The following ERLIN2 variants were observed in gnomAD, a reference collection of about 807,000 sequenced individuals.
ERLIN2 encodes the protein ER lipid raft associated 2.
ERLIN2 carries 22 observed loss-of-function variants against 41.5 expected under a neutral mutation model. The observed-to-expected ratio is 0.53, with a 90% CI of 0.38 to 0.76. The LOEUF is 0.76. Ranked by LOEUF, ERLIN2 falls within the 30% of genes least tolerant of loss-of-function variation. The pLI is 0.00. For missense variants in ERLIN2, 247 were observed against 414.3 expected (o/e 0.60, Z 3.51); for synonymous variants, 149 against 150.9 (o/e 0.99, Z 0.09).
chr8:37,758,067 C>G lies in ERLIN2; in HGVS notation c.*3952C>G, dbSNP rs1398070376. 6.6e-6 allele frequency: 1 copy of G among 152,168 alleles called. No individual in the cohort carries two copies. The highest frequency in any genetic ancestry group is 6.5e-5 in the Admixed American group (1 of 15,274). The allele number at this position is 152,168 out of a possible 1,614,324, so 9.4% of individuals were successfully genotyped here. ...ATTTTTAGTCTAAGTACTATGTGTCCTAAACACTGCATGAGACATACTCAT... is the reference window on the plus strand; with the variant it reads ...ATTTTTAGTCTAAGTACTATGTGTCGTAAACACTGCATGAGACATACTCAT... On this transcript the variant is annotated 3_prime_UTR_variant, in exon 12 of 12. Coordinates refer to ENST00000519638, the MANE Select transcript of ERLIN2 (RefSeq NM_007175.8).
At chr8:37,742,796 A>G (rs1802897336) in intron 4 of ERLIN2, among the ~76,000 whole-genome samples, 1 of 152,234 alleles carries the variant, frequency 6.6e-6, no homozygotes, top group African/African-American at 2.4e-5. Flanking sequence ...CATCCTGCAC[A>G]TGTACCTCTG....
At chr8:37,745,488 C>A in intron 6 of ERLIN2, 4 of 1,382,606 alleles carry the variant, frequency 2.9e-6, no homozygotes, top group Non-Finnish European at 2.1e-6. Context: ...TCTGTTTAAA[C>A]TCACTGCCAG....
Position 37,756,656 on chromosome 8 carries a change from T to C in ERLIN2, c.*2541T>C, listed in dbSNP as rs1803365279. On this transcript the variant is annotated 3_prime_UTR_variant, in exon 12 of 12. Coordinates refer to ENST00000519638, the MANE Select transcript of ERLIN2 (RefSeq NM_007175.8). Reference sequence around the variant, plus strand: ...GCAAAATCATGAAAATCAGCTGTTTTATTTGCATAGGACAACTAACCTGTC... The same window carrying C: ...GCAAAATCATGAAAATCAGCTGTTTCATTTGCATAGGACAACTAACCTGTC... 6.5e-6 allele frequency: 1 copy of C among 152,676 alleles called. No homozygotes were observed. The allele number at this position is 152,676 out of a possible 1,614,324, so 9.5% of individuals were successfully genotyped here.
intron 2 of ERLIN2, among the ~76,000 whole-genome samples, chr8:37,739,050 A>C (rs1802760948): frequency 6.6e-6 from 1 of 152,186 alleles, no homozygotes; most frequent in Non-Finnish European, 1.5e-5. Context: ...AATATAAAGC[A>C]AAGAAGCACT....
At chr8:37,752,192 C>A (rs965464819) in intron 10 of ERLIN2, among the ~76,000 whole-genome samples, 1 of 152,208 alleles carries the variant, frequency 6.6e-6, no homozygotes, top group African/African-American at 2.4e-5. Context: ...TTTTCAGCAC[C>A]TGTCAGACAG....
In ERLIN2 at chr8:37,753,500, A is replaced by G; in HGVS notation, c.790A>G (p.Thr264Ala). ...EKAKADAECY[T>A]AMKIAEANKL... Reference sequence around the variant, plus strand: ...GGCAAAGGCAGATGCTGAGTGCTACACTGCTATGAAAATAGCCGAAGCCAA... The same window carrying G: ...GGCAAAGGCAGATGCTGAGTGCTACGCTGCTATGAAAATAGCCGAAGCCAA... The change falls in exon 11 of 12, where the codon ACT becomes GCT. Residue 264 changes from threonine to alanine, a missense_variant. By Grantham distance (58) the Thr-to-Ala change is moderately conservative. This residue lies in a region of ERLIN2 where 153 missense variants were observed against 256.4 expected (regional missense o/e 0.60). Transcript: ENST00000519638. 1.2e-6 allele frequency: 2 copies of G among 1,614,148 alleles called. No homozygotes were observed. The highest frequency in any genetic ancestry group is 2.2e-5 in the East Asian group (1 of 44,882).
rs749170672 is a variant in ERLIN2 at position 37,749,673 on chromosome 8, A to G, written c.498+41A>G. The G allele has an allele frequency of 6.4e-6, 10 of 1,568,564 alleles. No homozygotes were observed. In the Admixed American group the frequency reaches 1.7e-4, roughly 26 times the overall value. On this transcript the variant is annotated intron_variant, in intron 7 of 11. Transcript: ENST00000519638. ...TGGGAGCAGCCCCTCTCTCTCTGAC[A>G]CTGCTTCCCTTCTCCCAAGGGATGT...
intron 10 of ERLIN2, among the ~76,000 whole-genome samples, chr8:37,752,975 G>A (rs1803258813): frequency 6.6e-6 from 1 of 152,200 alleles, no homozygotes; most frequent in Non-Finnish European, 1.5e-5. Context: ...GTTTTAGGGT[G>A]GATCGACCTC....
At chr8:37,737,717 A>G in intron 1 of ERLIN2, 191 bp from the exon 2 acceptor site, 1 of 618,280 alleles carries the variant, frequency 1.6e-6, no homozygotes, top group South Asian at 1.9e-5. Flanking sequence ...CTCTAATTTT[A>G]CAGTTAAAGA....
At chr8:37,747,850 G>A (rs1210063346) in intron 6 of ERLIN2, 1 of 1,614,168 alleles carries the variant, frequency 6.2e-7, no homozygotes, top group East Asian at 2.2e-5. Flanking sequence ...CCGGTCCCGG[G>A]GCCTCATGGG....
intron 6 of ERLIN2, chr8:37,745,094 A>T (rs1001948055): frequency 3.7e-6 from 2 of 539,554 alleles, no homozygotes; most frequent in Non-Finnish European, 6.5e-6. Flanking sequence ...GACCCAAAGC[A>T]AGAAAGTCAC....
intron 4 of ERLIN2, among the ~76,000 whole-genome samples, chr8:37,743,611 C>G (rs1300855510): frequency 1.3e-5 from 2 of 152,112 alleles, no homozygotes; most frequent in South Asian, 2.1e-4. Flanking sequence ...ACAGGTCAGT[C>G]CATAACACAA....
intron 6 of ERLIN2, chr8:37,747,998 T>C: frequency 1.2e-6 from 2 of 1,614,044 alleles, no homozygotes; most frequent in Non-Finnish European, 1.7e-6. Context: ...GACACTACTT[T>C]CGGCATGGTT....
Position 37,751,734 on chromosome 8 carries a change from CA to C in ERLIN2, c.739+20del. On this transcript the variant is annotated intron_variant, in intron 10 of 11. Transcript: ENST00000519638. ...ATTGAAGGTAAGCAGAAGTGGCAGT[CA>C]TGCCTGAGTCCTCCTCAGACCCCGC... 1 of 1,587,190 alleles carries C rather than the reference CA, an allele frequency of 6.3e-7. No homozygotes were observed. Among genetic ancestry groups the C allele is most frequent in the Non-Finnish European group, 8.7e-7 (1 of 1,155,940 alleles).
At chr8:37,746,775 G>C (rs1803066774) in intron 6 of ERLIN2, among the ~76,000 whole-genome samples, 1 of 151,986 alleles carries the variant, frequency 6.6e-6, no homozygotes, top group Non-Finnish European at 1.5e-5. Flanking sequence ...TATAGCTTCA[G>C]TGTGTTAAGT....
chr8:37,751,628 G>T lies in ERLIN2; in HGVS notation c.652G>T (p.Ala218Ser). Residue 218 changes from alanine to serine, a missense_variant and splice_region_variant, in exon 10 of 12, where the codon GCA (alanine) becomes TCA (serine). Physicochemically the swap from Ala to Ser is moderately conservative, Grantham distance 99. Around this residue, in one of 3 missense-constraint regions of ERLIN2, gnomAD observed 153 missense variants for 256.4 expected, o/e 0.60. Coordinates refer to ENST00000519638, the MANE Select transcript of ERLIN2 (RefSeq NM_007175.8). ...AATCCTCACTATCATTTATTCAGAG[G>T]CAGAAAAAGTGGCCCAGGTGGCTGA... The part of the protein sequence containing the change: ...ETERKKALIE[A>S]EKVAQVAEIT... 1 of 1,611,682 alleles carries T rather than the reference G, an allele frequency of 6.2e-7. No homozygotes were observed. Among genetic ancestry groups the T allele is most frequent in the Non-Finnish European group, 8.5e-7 (1 of 1,177,778 alleles).
chr8:37,736,851 G>A, intron 1 of ERLIN2, 173 bp downstream of exon 1: 1 of 985,964 alleles, frequency 1.0e-6, no homozygotes, highest in Non-Finnish European at 1.2e-6. Context: ...GCGAGCCGCA[G>A]GGGGACCGAG....
chr8:37,739,786 A>T (rs1476941947), intron 2 of ERLIN2, among the ~76,000 whole-genome samples: 1 of 150,510 alleles, frequency 6.6e-6, no homozygotes, highest in African/African-American at 2.4e-5. Context: ...TTATCTAAGT[A>T]TACCCATGGA....
Position 37,740,351 on chromosome 8 carries a change from C to T in ERLIN2, c.108-14C>T, listed in dbSNP as rs767486653. Reference sequence around the variant, plus strand: ...CCAAACTGAAGCTGCCTCTCTCTTCCCCCTCCTCTGCAGAGGCGGTGCCCT... The same window carrying T: ...CCAAACTGAAGCTGCCTCTCTCTTCTCCCTCCTCTGCAGAGGCGGTGCCCT... On this transcript the variant is annotated splice_polypyrimidine_tract_variant and intron_variant, in intron 2 of 11. Coordinates refer to ENST00000519638, the MANE Select transcript of ERLIN2 (RefSeq NM_007175.8). 1 of 1,606,196 alleles carries T rather than the reference C, an allele frequency of 6.2e-7. No homozygotes were observed. Among genetic ancestry groups the T allele is most frequent in the African/African-American group, 1.3e-5 (1 of 74,646 alleles).
Sources: allele counts gnomAD v4.1 joint callset (sites outside exome capture counted in the v4.1 genomes callset), GRCh38; gene constraint gnomAD v4.1.1; regional missense constraint gnomAD v4.1.1; transcripts MANE v1.5; gene names NCBI Gene and HGNC (gene_info 2026-07-23, HGNC 2026-07-21).